ZNF385B: variants seen among roughly 807,000 people sequenced by gnomAD.
ZNF385B encodes the protein zinc finger protein 385B, also known as zinc finger protein 533.
A neutral mutation model predicts 39.2 loss-of-function variants in ZNF385B; 23 were observed. The observed-to-expected ratio is 0.59, with a 90% CI of 0.42 to 0.83. The LOEUF (loss-of-function observed/expected upper bound fraction) is 0.83, where lower values mean the gene tolerates loss of function less well. ZNF385B is among the 40% of genes least tolerant of loss of function. ZNF385B has a pLI of 0.00. For synonymous variants in ZNF385B, 205 were observed against 222.6 expected (o/e 0.92, Z 0.70); for missense variants, 552 against 598.9 (o/e 0.92, Z 0.82).
At chr2:179,722,859 A>G (rs1371025775) in intron 3 of ZNF385B, among the ~76,000 whole-genome samples, 1 of 152,108 alleles carries the variant, frequency 6.6e-6, no homozygotes, top group South Asian at 2.1e-4. Context: ...ACTACAAATA[A>G]TTTTTTTAAA....
At chr2:179,774,646 C>T (rs987652748) in intron 1 of ZNF385B, among the ~76,000 whole-genome samples, 2 of 152,024 alleles carry the variant, frequency 1.3e-5, no homozygotes, top group East Asian at 1.9e-4. Flanking sequence ...TGTGAGCCAC[C>T]GCACCCGGCC....
intron 3 of ZNF385B, among the ~76,000 whole-genome samples, chr2:179,736,712 G>A (rs1464280382): frequency 6.6e-6 from 1 of 152,090 alleles, no homozygotes; most frequent in Non-Finnish European, 1.5e-5. Flanking sequence ...GCTCACGTCT[G>A]TAATCCTAGC....
chr2:179,735,970 C>T (rs921810555), intron 3 of ZNF385B, among the ~76,000 whole-genome samples: 1 of 149,540 alleles, frequency 6.7e-6, no homozygotes, highest in Non-Finnish European at 1.5e-5. Flanking sequence ...CAGCATGGCA[C>T]ATGTACACGT....
At chr2:179,637,661 A>C (rs1177945599) in intron 3 of ZNF385B, among the ~76,000 whole-genome samples, 1 of 145,956 alleles carries the variant, frequency 6.9e-6, no homozygotes, top group Non-Finnish European at 1.5e-5. Flanking sequence ...TTACAGATGA[A>C]GAGGACAAGG....
chr2:179,483,519 A>G, intron 5 of ZNF385B, 85 bp from the exon 6 acceptor site: 5 of 1,547,394 alleles, frequency 3.2e-6, no homozygotes, highest in Non-Finnish European at 4.4e-6. Context: ...AATACATTCT[A>G]TCATAGGCAC....
chr2:179,583,975 C>A, intron 3 of ZNF385B: 1 of 1,297,652 alleles, frequency 7.7e-7, no homozygotes, highest in Non-Finnish European at 1.0e-6. Flanking sequence ...TCATATTTAC[C>A]GAGCATCTGC....
At chr2:179,662,813 C>T (rs1694650980) in intron 3 of ZNF385B, among the ~76,000 whole-genome samples, 1 of 152,018 alleles carries the variant, frequency 6.6e-6, no homozygotes, top group African/African-American at 2.4e-5. Flanking sequence ...AGTTCTTTTA[C>T]TTTGATAAAC....
intron 3 of ZNF385B, among the ~76,000 whole-genome samples, chr2:179,645,527 G>A (rs913577605): frequency 5.3e-5 from 8 of 152,160 alleles, no homozygotes; most frequent in East Asian, 1.9e-4. Flanking sequence ...ATAATGTAAT[G>A]AGGAAGAATT....
chr2:179,657,900 G>A (rs1056746652), intron 3 of ZNF385B, among the ~76,000 whole-genome samples: 1 of 152,138 alleles, frequency 6.6e-6, no homozygotes, highest in Non-Finnish European at 1.5e-5. Context: ...CTTGGAAGTG[G>A]AGGAGAAGGG....
At chr2:179,456,212 T>C (rs1476120492) in intron 6 of ZNF385B, among the ~76,000 whole-genome samples, 1 of 152,180 alleles carries the variant, frequency 6.6e-6, no homozygotes, top group African/African-American at 2.4e-5. Flanking sequence ...GACATGAACT[T>C]TGAAGAAAAA....
chr2:179,775,207 G>T (rs577845096), intron 1 of ZNF385B, among the ~76,000 whole-genome samples: 1 of 152,094 alleles, frequency 6.6e-6, no homozygotes, highest in Non-Finnish European at 1.5e-5. Context: ...TTCATAATAG[G>T]ATTCAGATAT....
chr2:179,796,687 C>G (rs1184238323), intron 1 of ZNF385B, among the ~76,000 whole-genome samples: 2 of 152,036 alleles, frequency 1.3e-5, no homozygotes, highest in Non-Finnish European at 2.9e-5. Context: ...TATAATCTCT[C>G]CAAAAAGTCT....
At chr2:179,596,045 T>G (rs946566256) in intron 3 of ZNF385B, among the ~76,000 whole-genome samples, 3 of 152,328 alleles carry the variant, frequency 2.0e-5, no homozygotes, top group African/African-American at 7.2e-5. Context: ...TTCTTCAAAA[T>G]CTTTAGTGGA....
At chr2:179,499,637 A>G (rs1361469524) in intron 5 of ZNF385B, among the ~76,000 whole-genome samples, 1 of 151,942 alleles carries the variant, frequency 6.6e-6, no homozygotes, top group Non-Finnish European at 1.5e-5. Context: ...TAGAAGGAAC[A>G]CACCTAATAA....
At chr2:179,483,553 C>CT in intron 5 of ZNF385B, 119 bp from the exon 6 acceptor site, 1 of 1,354,554 alleles carries the variant, frequency 7.4e-7, no homozygotes, top group African/African-American at 1.4e-5. Flanking sequence ...AACTCAGTAC[C>CT]TGACTATGTT....
At chr2:179,704,102 A>G (rs766266912) in intron 3 of ZNF385B, among the ~76,000 whole-genome samples, 6 of 152,234 alleles carry the variant, frequency 3.9e-5, no homozygotes, top group Non-Finnish European at 8.8e-5. Context: ...TGTTCATTAT[A>G]TTGTTACATA....
At chr2:179,469,257 A>G (rs1044474427) in intron 6 of ZNF385B, among the ~76,000 whole-genome samples, 2 of 152,238 alleles carry the variant, frequency 1.3e-5, no homozygotes, top group Non-Finnish European at 2.9e-5. Flanking sequence ...TGGGCCACAC[A>G]TAAGTTATAC....
intron 5 of ZNF385B, among the ~76,000 whole-genome samples, chr2:179,506,438 G>A (rs1200160433): frequency 1.3e-5 from 2 of 151,990 alleles, no homozygotes; most frequent in Non-Finnish European, 2.9e-5. Context: ...ATCTTTTAAA[G>A]TTATGTGCTT....
chr2:179,774,816 T>A (rs529005505), intron 1 of ZNF385B, among the ~76,000 whole-genome samples: 1 of 152,336 alleles, frequency 6.6e-6, no homozygotes, highest in South Asian at 2.1e-4. Context: ...CAGTCTTTCA[T>A]CTTGTAATTA....
Sources: allele counts gnomAD v4.1 joint callset (sites outside exome capture counted in the v4.1 genomes callset), GRCh38; gene constraint gnomAD v4.1.1; transcripts MANE v1.5; gene names NCBI Gene and HGNC (gene_info 2026-07-23, HGNC 2026-07-21).